The following CCDC146 variants were observed in gnomAD, a reference collection of about 807,000 sequenced individuals.
The protein encoded by CCDC146 is coiled-coil domain-containing protein 146.
Under a neutral mutation model 119.3 loss-of-function variants are expected in CCDC146, and 92 were observed. That is an observed-to-expected ratio of 0.77 (90% CI 0.65 to 0.92). The LOEUF is 0.92. CCDC146 is among the 40% of genes least tolerant of loss of function. The pLI is 0.00. For synonymous variants in CCDC146, 372 were observed against 371.8 expected (o/e 1.00, Z -0.01); for missense variants, 1,000 against 1,103.0 (o/e 0.91, Z 1.32).
At chr7:77,198,165 G>T in intron 2 of CCDC146, 2 of 985,444 alleles carry the variant, frequency 2.0e-6, no homozygotes, top group Non-Finnish European at 2.4e-6. Flanking sequence ...GGTACATTCA[G>T]ATGCAGGCTG....
intron 8 of CCDC146, among the ~76,000 whole-genome samples, chr7:77,261,539 G>A (rs1584122114): frequency 1.3e-5 from 2 of 152,038 alleles, no homozygotes; most frequent in African/African-American, 4.8e-5. Flanking sequence ...CTGCAGTGGC[G>A]CAATCTCGGC....
At chr7:77,292,102 C>T (rs1793954933) in intron 17 of CCDC146, among the ~76,000 whole-genome samples, 1 of 151,536 alleles carries the variant, frequency 6.6e-6, no homozygotes, top group East Asian at 1.9e-4. Flanking sequence ...TCAAAACTAG[C>T]CTTGTCAACA....
intron 5 of CCDC146, chr7:77,255,394 A>G (rs1793159447): frequency 2.0e-5 from 3 of 152,362 alleles, no homozygotes; most frequent in Non-Finnish European, 2.9e-5. Flanking sequence ...AATGGTCACC[A>G]TACTTTGCAC....
intron 1 of CCDC146, among the ~76,000 whole-genome samples, chr7:77,123,475 A>G (rs1489491957): frequency 6.7e-6 from 1 of 148,984 alleles, no homozygotes. Flanking sequence ...TTATAATTCT[A>G]TGGGCAGTAA....
chr7:77,280,770 C>G (rs1224638205), intron 14 of CCDC146, 117 bp downstream of exon 14: 1 of 711,332 alleles, frequency 1.4e-6, no homozygotes. Flanking sequence ...GTTGCATTAG[C>G]CTTTGGAGAG....
chr7:77,201,497 T>A (rs1791987835), intron 2 of CCDC146, among the ~76,000 whole-genome samples: 1 of 151,224 alleles, frequency 6.6e-6, no homozygotes, highest in South Asian at 2.1e-4. Flanking sequence ...GAGGTTGCAG[T>A]GAGCCTAGAT....
At chr7:77,285,560 C>T (rs1793832899) in intron 15 of CCDC146, among the ~76,000 whole-genome samples, 1 of 152,162 alleles carries the variant, frequency 6.6e-6, no homozygotes, top group Non-Finnish European at 1.5e-5. Flanking sequence ...GGATCAACCC[C>T]ATGGCACTGA....
intron 1 of CCDC146, among the ~76,000 whole-genome samples, chr7:77,135,023 C>A (rs968714516): frequency 1.3e-5 from 2 of 152,174 alleles, no homozygotes; most frequent in Non-Finnish European, 2.9e-5. Context: ...ACAATGTTCC[C>A]TTTGCAAATA....
At chr7:77,271,980 G>A (rs1793532962) in intron 9 of CCDC146, among the ~76,000 whole-genome samples, 1 of 152,160 alleles carries the variant, frequency 6.6e-6, no homozygotes, top group African/African-American at 2.4e-5. Flanking sequence ...CGACACCCGG[G>A]AGCTGAGCAT....
intron 3 of CCDC146, among the ~76,000 whole-genome samples, chr7:77,237,392 G>A (rs745471218): frequency 7.9e-5 from 12 of 152,152 alleles, no homozygotes; most frequent in Non-Finnish European, 1.3e-4. Flanking sequence ...TACTTCCAGG[G>A]AGATTAGCTC....
chr7:77,278,544 C>T (rs186793727), intron 11 of CCDC146, among the ~76,000 whole-genome samples: 4 of 146,874 alleles, frequency 2.7e-5, no homozygotes, highest in East Asian at 4.1e-4. Flanking sequence ...TTCTTGGGCT[C>T]GAGCGATCCT....
intron 9 of CCDC146, among the ~76,000 whole-genome samples, chr7:77,268,845 G>T (rs900390883): frequency 6.6e-6 from 1 of 152,194 alleles, no homozygotes; most frequent in Non-Finnish European, 1.5e-5. Flanking sequence ...TCACTATGAA[G>T]AAGATTTGAT....
chr7:77,208,975 A>G (rs943455484), intron 2 of CCDC146, among the ~76,000 whole-genome samples: 1 of 152,240 alleles, frequency 6.6e-6, no homozygotes, highest in African/African-American at 2.4e-5. Context: ...CTGGGATTAC[A>G]GGCATGATAT....
At chr7:77,149,747 A>G (rs537171892) in intron 1 of CCDC146, among the ~76,000 whole-genome samples, 1,539 of 151,460 alleles carry the variant, frequency 0.01, 21 homozygotes, top group African/African-American at 0.035. Flanking sequence ...AGCCTGTGAC[A>G]GAGCAAGACT....
At chr7:77,267,078 G>C (rs951243313) in intron 9 of CCDC146, among the ~76,000 whole-genome samples, 6 of 150,132 alleles carry the variant, frequency 4.0e-5, no homozygotes, top group Admixed American at 1.3e-4. Context: ...TGCAACCTCT[G>C]TCTCCTCGGT....
intron 1 of CCDC146, among the ~76,000 whole-genome samples, chr7:77,149,661 G>T (rs982125551): frequency 4.0e-5 from 6 of 151,790 alleles, no homozygotes; most frequent in African/African-American, 1.5e-4. Context: ...AGCTACTCTG[G>T]ATACTGAGGA....
chr7:77,204,092 C>T (rs1005540931), intron 2 of CCDC146, among the ~76,000 whole-genome samples: 3 of 151,304 alleles, frequency 2.0e-5, no homozygotes, highest in South Asian at 2.1e-4. Context: ...TAATGATAGT[C>T]GTATTTATAG....
At chr7:77,237,182 G>C (rs1792754169) in intron 3 of CCDC146, 153 bp downstream of exon 3, 1 of 632,504 alleles carries the variant, frequency 1.6e-6, no homozygotes, top group South Asian at 1.8e-5. Context: ...AAAGCATCGT[G>C]AGAGAGTGGG....
At chr7:77,233,170 C>A (rs1792666622) in intron 2 of CCDC146, among the ~76,000 whole-genome samples, 1 of 151,036 alleles carries the variant, frequency 6.6e-6, no homozygotes, top group African/African-American at 2.4e-5. Context: ...CTCACTGCAA[C>A]CTCTGCCTCT....
Sources: allele counts gnomAD v4.1 joint callset (sites outside exome capture counted in the v4.1 genomes callset), GRCh38; gene constraint gnomAD v4.1.1; transcripts MANE v1.5; gene names NCBI Gene and HGNC (gene_info 2026-07-23, HGNC 2026-07-21).